EDIL3: variants seen among roughly 807,000 people sequenced by gnomAD.
EDIL3 encodes EGF-like repeat and discoidin I-like domain-containing protein 3.
In EDIL3, 37 loss-of-function variants were observed where a neutral mutation model predicts 67.4. The ratio of observed to expected loss-of-function variants is 0.55; its 90% CI spans 0.42 to 0.72. The LOEUF (loss-of-function observed/expected upper bound fraction) is 0.72. EDIL3 is among the 30% of genes least tolerant of loss of function. The probability of loss-of-function intolerance (pLI) is 0.00; values close to 1 mark genes in which losing one functional copy is unlikely to be tolerated. For synonymous variants in EDIL3, 195 were observed against 196.3 expected, an observed-to-expected ratio of 0.99 and a Z score of 0.05; for missense variants, 527 against 586.3, an observed-to-expected ratio of 0.90 and a Z score of 1.04.
At chr5:84,249,774 C>G (rs1028361780) in intron 2 of EDIL3, among the ~76,000 whole-genome samples, 1 of 152,056 alleles carries the variant, frequency 6.6e-6, no homozygotes. Flanking sequence ...TAAAAATTCT[C>G]AAGATTTCCA....
At chr5:84,075,911 CACACACAG>C (rs1580314667) in intron 6 of EDIL3, among the ~76,000 whole-genome samples, 2 of 148,990 alleles carry the variant, frequency 1.3e-5, no homozygotes, top group East Asian at 2.0e-4. Flanking sequence ...CACACACACA[CACACACAG>C]ACACACACTC....
At chr5:84,137,930 A>G (rs751056749) in intron 4 of EDIL3, among the ~76,000 whole-genome samples, 10 of 152,230 alleles carry the variant, frequency 6.6e-5, no homozygotes, top group Non-Finnish European at 1.5e-4. Context: ...AAGGATTTCT[A>G]AAGTGAGGAT....
rs550494000 is a variant in EDIL3 at position 84,115,324 on chromosome 5, CTGTG to C, written c.470-8498_470-8495del. 5.9e-5 allele frequency among the ~76,000 whole-genome samples: 9 copies of C among 152,246 alleles called. No homozygotes were observed. In the South Asian group the frequency reaches 1.9e-3, roughly 32 times the overall value. ...AAAATGTGGCTATGTTTTCTTCACA[CTGTG>C]TGTTATCTCAAGCCAATTATGATAT... On this transcript the variant is annotated intron_variant, in intron 5 of 10. Transcript: ENST00000296591.
intron 10 of EDIL3, among the ~76,000 whole-genome samples, chr5:83,943,938 C>T (rs1324079781): frequency 6.6e-6 from 1 of 152,034 alleles, no homozygotes; most frequent in African/African-American, 2.4e-5. Context: ...ATCCAAGCTG[C>T]TTGCAAAGTA....
intron 3 of EDIL3, among the ~76,000 whole-genome samples, chr5:84,218,821 T>C (rs1233915000): frequency 2.0e-5 from 3 of 150,180 alleles, no homozygotes; most frequent in Non-Finnish European, 4.4e-5. Flanking sequence ...GGGGAGAGAG[T>C]CCACTGGTTG....
In EDIL3 at chr5:84,070,537, T is replaced by G. The variant is rs990632138; in HGVS notation, c.652-3931A>C. Among the ~76,000 whole-genome samples, 22 of 152,160 alleles carry G rather than the reference T, an allele frequency of 1.4e-4. 1 individual carries two copies. The highest frequency in any genetic ancestry group is 3.4e-3 in the Middle Eastern group (1 of 294). ...TTTTCCCGTTTCAATAACAAGCATA[T>G]AAAGATAATTTTGCAAACAACTTTC... On this transcript the variant is annotated intron_variant, in intron 6 of 10. Transcript: ENST00000296591.
At chr5:84,018,987 C>T (rs1168710321) in intron 9 of EDIL3, among the ~76,000 whole-genome samples, 1 of 152,122 alleles carries the variant, frequency 6.6e-6, no homozygotes, top group Non-Finnish European at 1.5e-5. Flanking sequence ...GTCGGTGTGG[C>T]AATTCCTTAG....
At chr5:84,355,744 C>T (rs1747467347) in intron 1 of EDIL3, among the ~76,000 whole-genome samples, 1 of 152,122 alleles carries the variant, frequency 6.6e-6, no homozygotes, top group African/African-American at 2.4e-5. Context: ...AGGTGGTTTC[C>T]AATCAGGAGG....
chr5:84,081,597 A>C lies in EDIL3; in HGVS notation c.652-14991T>G, dbSNP rs1258430639. Among the ~76,000 whole-genome samples, 4 of 152,150 alleles carry C rather than the reference A, an allele frequency of 2.6e-5. No homozygotes were observed. The East Asian group carries it at 5.8e-4, about 22-fold the overall frequency. On this transcript the variant is annotated intron_variant, in intron 6 of 10. Coordinates refer to ENST00000296591, the MANE Select transcript of EDIL3 (RefSeq NM_005711.5). Reference sequence around the variant, plus strand: ...CAATCTCAGGGGCAGTAAGTGTGCTATGAAGGGGAGAGGGAAGAGGAATGC... The same window carrying C: ...CAATCTCAGGGGCAGTAAGTGTGCTCTGAAGGGGAGAGGGAAGAGGAATGC...
chr5:84,086,615 A>C (rs962632968), intron 6 of EDIL3, among the ~76,000 whole-genome samples: 2 of 152,026 alleles, frequency 1.3e-5, no homozygotes, highest in Non-Finnish European at 2.9e-5. Context: ...TGGCCCCTCC[A>C]AAAAGGGCTT....
At chr5:83,978,346 T>C (rs1744909260) in intron 9 of EDIL3, among the ~76,000 whole-genome samples, 1 of 151,898 alleles carries the variant, frequency 6.6e-6, no homozygotes, top group Non-Finnish European at 1.5e-5. Context: ...TTTGAATAAC[T>C]CAACAGAATA....
At chr5:84,151,208 T>C (rs1277614867) in intron 4 of EDIL3, among the ~76,000 whole-genome samples, 1 of 151,944 alleles carries the variant, frequency 6.6e-6, no homozygotes, top group East Asian at 1.9e-4. Flanking sequence ...AAGTGATTTT[T>C]ATAATCCACA....
chr5:84,069,940 G>A (rs1348958689), intron 6 of EDIL3, among the ~76,000 whole-genome samples: 1 of 152,046 alleles, frequency 6.6e-6, no homozygotes, highest in Non-Finnish European at 1.5e-5. Flanking sequence ...GGCTGGATGT[G>A]GAGAGGAGCA....
chr5:84,053,997 C>A (rs1274647972), intron 9 of EDIL3, among the ~76,000 whole-genome samples: 1 of 152,060 alleles, frequency 6.6e-6, no homozygotes, highest in Non-Finnish European at 1.5e-5. Context: ...CTGGCAGAGA[C>A]ACAACAAAAA....
chr5:83,952,016 A>T (rs899055870), intron 10 of EDIL3, among the ~76,000 whole-genome samples: 8 of 151,758 alleles, frequency 5.3e-5, no homozygotes, highest in Non-Finnish European at 4.4e-5. Context: ...GACCAAAGGG[A>T]CTGGGGCAGA....
rs755865417 is a variant in EDIL3, at chr5:84,207,944, C to T, written c.226+21911G>A. On this transcript the variant is annotated intron_variant, in intron 3 of 10. Transcript: ENST00000296591. The stretch of plus-strand genomic sequence containing the variant: ...CGTTAGACCTAAAACCATAAAAACC[C>T]GAGAAGAAAACCTAGGCATTACCAT... 4.9e-3 allele frequency among the ~76,000 whole-genome samples: 744 copies of T among 152,134 alleles called. 9 individuals carry two copies. The highest frequency in any genetic ancestry group is 0.017 in the African/African-American group (703 of 41,496).
At chr5:84,085,643 A>G (rs571319274) in intron 6 of EDIL3, among the ~76,000 whole-genome samples, 6 of 152,302 alleles carry the variant, frequency 3.9e-5, no homozygotes, top group Admixed American at 3.3e-4. Context: ...TCCCAGTCAG[A>G]AGGCACGGGG....
At chr5:84,036,004 T>C (rs1263180279) in intron 9 of EDIL3, among the ~76,000 whole-genome samples, 1 of 152,232 alleles carries the variant, frequency 6.6e-6, no homozygotes. Flanking sequence ...GTGATAAACA[T>C]CTGTTGCATG....
chr5:84,185,284 T>C (rs915818549), intron 3 of EDIL3, among the ~76,000 whole-genome samples: 2 of 152,150 alleles, frequency 1.3e-5, no homozygotes, highest in Non-Finnish European at 2.9e-5. Flanking sequence ...CACATTCCTA[T>C]AAATAATACA....
Sources: allele counts gnomAD v4.1 joint callset (sites outside exome capture counted in the v4.1 genomes callset), GRCh38; gene constraint gnomAD v4.1.1; transcripts MANE v1.5; gene names NCBI Gene and HGNC (gene_info 2026-07-23, HGNC 2026-07-21).